Variants in DOCK10 observed in about 807,000 individuals in gnomAD.
The protein encoded by DOCK10 is dedicator of cytokinesis 10, also known as dedicator of cytokinesis protein 10.
DOCK10 carries 145 observed loss-of-function variants against 280.1 expected under a neutral mutation model. The ratio of observed to expected loss-of-function variants is 0.52; its 90% CI spans 0.45 to 0.59. The LOEUF is 0.59. DOCK10 is among the 20% of genes least tolerant of loss of function. The pLI is 0.00. For synonymous variants in DOCK10, 915 were observed against 942.2 expected (o/e 0.97, Z 0.53); for missense variants, 2,368 against 2,651.7 (o/e 0.89, Z 2.35).
rs759578606 is a variant in DOCK10, at chr2:224,793,008, A to G, written c.5277T>C (p.Asp1759=). 3.1e-6 allele frequency: 5 copies of G among 1,613,750 alleles called. No homozygotes were observed. Among genetic ancestry groups the G allele is most frequent in the Middle Eastern group, 1.6e-4 (1 of 6,082 alleles). The change falls in exon 47 of 56, where the codon GAT becomes GAC. Residue 1759 remains aspartate (D), a synonymous_variant. Transcript: ENST00000258390. ...TGGGAGTTGTTAGTAATGAGTTGCTATCACAGGGGTGGGTATCCTCCGAGA... is the reference window on the plus strand; with the variant it reads ...TGGGAGTTGTTAGTAATGAGTTGCTGTCACAGGGGTGGGTATCCTCCGAGA... ...SLLSEDTHPC[D]SNSLLTTPSG...
intron 1 of DOCK10, among the ~76,000 whole-genome samples, chr2:224,967,131 G>C (rs933477756): frequency 6.7e-6 from 1 of 150,308 alleles, no homozygotes; most frequent in Non-Finnish European, 1.5e-5. Flanking sequence ...CCAGGCTGGA[G>C]TGCAGTGGCG....
intron 22 of DOCK10, among the ~76,000 whole-genome samples, chr2:224,843,674 C>A (rs560082317): frequency 1.6e-4 from 25 of 151,996 alleles, no homozygotes; most frequent in Non-Finnish European, 3.4e-4. Context: ...AGCAGATACA[C>A]ATTAAACTTA....
At chr2:224,832,092 A>G (rs1477357133) in intron 26 of DOCK10, among the ~76,000 whole-genome samples, 1 of 152,186 alleles carries the variant, frequency 6.6e-6, no homozygotes, top group Non-Finnish European at 1.5e-5. Flanking sequence ...GTATAGTTTC[A>G]AGAACGCACC....
At position 224,837,851 on chromosome 2, in the gene DOCK10, C is replaced by A. The variant is rs185001385; in HGVS notation, c.2781-20G>T. ...AGAACCCTGCAAAAGCAAAGCTGTT[C>A]AGTGGCCTTTCTGGAGAGGGCAGAA... On this transcript the variant is annotated intron_variant, in intron 24 of 55. Coordinates refer to ENST00000258390, the MANE Select transcript of DOCK10 (RefSeq NM_014689.3). The A allele has an allele frequency of 6.2e-7, 1 of 1,609,950 alleles. No homozygotes were observed. The highest frequency in any genetic ancestry group is 1.3e-5 in the African/African-American group (1 of 74,912).
rs191676199 is a variant in DOCK10 at position 224,927,504 on chromosome 2, T to A, written c.243+4045A>T. Among the ~76,000 whole-genome samples the A allele has an allele frequency of 9.9e-5, 15 of 152,262 alleles. 1 individual carries two copies. In the East Asian group the frequency reaches 2.7e-3, roughly 27 times the overall value. On this transcript the variant is annotated intron_variant, in intron 2 of 55. Transcript: ENST00000258390. ...GGTATGGTCCAGGCAAATGAGGGTA[T>A]TTGTGGCTTGGGACAGCAGAGTGAA... is the stretch of plus-strand genomic sequence containing the variant.
At chr2:224,865,927 A>C (rs776015431) in intron 11 of DOCK10, among the ~76,000 whole-genome samples, 16 of 151,158 alleles carry the variant, frequency 1.1e-4, no homozygotes, top group Non-Finnish European at 2.2e-4. Flanking sequence ...TCTAACAGTC[A>C]CCTATTATAA....
intron 2 of DOCK10, 34 bp from the exon 3 acceptor site, chr2:224,916,818 C>T (rs768939908): frequency 1.3e-5 from 20 of 1,551,192 alleles, no homozygotes; most frequent in Admixed American, 3.6e-5. Context: ...TTGAGTCCTC[C>T]GGCTTAGAAG....
At chr2:224,961,417 T>TCTTTCTTTCTTTCTTTCTTTCTTC (rs1704397902) in intron 1 of DOCK10, among the ~76,000 whole-genome samples, 2 of 90,494 alleles carry the variant, frequency 2.2e-5, no homozygotes, top group African/African-American at 7.8e-5. Context: ...TCTTTCTCTT[T>TCTTTCTTTCTTTCTTTCTTTCTTC]CTTTCTTTCT....
At chr2:224,951,845 A>G (rs889260233) in intron 1 of DOCK10, among the ~76,000 whole-genome samples, 2 of 152,134 alleles carry the variant, frequency 1.3e-5, no homozygotes, top group Non-Finnish European at 2.9e-5. Flanking sequence ...CAGTTGTAGG[A>G]CTGAGGTGGC....
chr2:224,834,326 T>C (rs1695458807), intron 25 of DOCK10, 63 bp from the exon 26 acceptor site: 1 of 949,800 alleles, frequency 1.1e-6, no homozygotes, highest in African/African-American at 1.6e-5. Flanking sequence ...TCAAAAACTA[T>C]GTCATGTGAA....
Position 224,805,114 on chromosome 2 carries a change from A to C in DOCK10, c.4062T>G (p.Ile1354Met). Residue 1354 changes from isoleucine to methionine, a missense_variant, in exon 37 of 56, where the codon ATT becomes ATG. Ile to Met is a conservative substitution (Grantham distance 10). Coordinates refer to ENST00000258390, the MANE Select transcript of DOCK10 (RefSeq NM_014689.3). The surrounding 1 kb of genome is among the most constrained non-coding windows in gnomAD (Gnocchi z 4.3). Reference protein sequence around the residue: ...IMKTISYETLIAYWQRAPSPE... With the variant: ...IMKTISYETLMAYWQRAPSPE... ...GGCTGGGAGCTCTCTGCCAGTAGGC[A>C]ATCAGAGTCTCTAAAAGGAAACACC... The C allele has an allele frequency of 1.2e-6, 2 of 1,611,480 alleles. No individual in the cohort carries two copies. Among genetic ancestry groups the C allele is most frequent in the African/African-American group, 2.7e-5 (2 of 74,870 alleles).
Position 224,985,334 on chromosome 2 carries a change from A to C in DOCK10, c.124-53666T>G, listed in dbSNP as rs572758507. ...CTAAATTTTCCAAAGAAGTGTTGGA[A>C]GCTAGATTTCATCCTGGGTCATTAA... On this transcript the variant is annotated intron_variant, in intron 1 of 55. Transcript: ENST00000258390. Among the ~76,000 whole-genome samples, 179 of 151,934 alleles carry C rather than the reference A, an allele frequency of 1.2e-3. 1 individual carries two copies. The highest frequency in any genetic ancestry group is 2.1e-4 in the South Asian group (1 of 4,828).
In DOCK10 at chr2:225,035,603, T is replaced by C. The variant is rs10201954; in HGVS notation, c.123+6649A>G. On this transcript the variant is annotated intron_variant, in intron 1 of 55. Coordinates refer to ENST00000258390, the MANE Select transcript of DOCK10 (RefSeq NM_014689.3). ...ATATATATATAACACTGAATCAGTG[T>C]TAATTGTGTGTTGTATTAGTCAGTG... is the stretch of plus-strand genomic sequence containing the variant. Among the ~76,000 whole-genome samples, 439 of 106,928 alleles carry C rather than the reference T, an allele frequency of 4.1e-3. 12 individuals are homozygous for C. Among genetic ancestry groups the C allele is most frequent in the African/African-American group, 0.015 (414 of 28,174 alleles). The allele number at this position is 106,928 out of a possible 152,430, so 70.1% of individuals were successfully genotyped here.
chr2:224,931,413 T>C (rs1419911126), intron 2 of DOCK10, 136 bp downstream of exon 2: 2 of 977,134 alleles, frequency 2.0e-6, no homozygotes, highest in East Asian at 2.9e-5. Flanking sequence ...TATTATAGGA[T>C]GTGAACTCCT....
Position 224,852,847 on chromosome 2 carries a change from TA to T in DOCK10, c.2076+87del. ...TCTATGACAGAGTGTTGCCCCATAG[TA>T]ATTTGTATTTGCACATTCAGGAACT... On this transcript the variant is annotated intron_variant, in intron 17 of 55. Transcript: ENST00000258390. The T allele has an allele frequency of 2.6e-6, 3 of 1,156,664 alleles. No homozygotes were observed. In the East Asian group the frequency reaches 7.3e-5, roughly 28 times the overall value. 71.7% of individuals were successfully genotyped at this position (1,156,664 alleles called of 1,614,324 possible).
At chr2:224,780,356 T>G (rs187647025) in intron 50 of DOCK10, among the ~76,000 whole-genome samples, 7 of 152,264 alleles carry the variant, frequency 4.6e-5, no homozygotes, top group African/African-American at 1.7e-4. Flanking sequence ...TGGCTACAAT[T>G]GACAGACTGA....
chr2:224,839,369 AG>A (rs1428062401), intron 24 of DOCK10, among the ~76,000 whole-genome samples: 2 of 151,834 alleles, frequency 1.3e-5, no homozygotes, highest in Non-Finnish European at 2.9e-5. Flanking sequence ...GGCCTCCCAA[AG>A]TGCTGGGATG....
chr2:225,002,584 A>G (rs567252911), intron 1 of DOCK10, among the ~76,000 whole-genome samples: 1 of 152,328 alleles, frequency 6.6e-6, no homozygotes, highest in African/African-American at 2.4e-5. Context: ...ATATTTGGAG[A>G]CAGAAAATGT....
intron 2 of DOCK10, among the ~76,000 whole-genome samples, chr2:224,925,291 TCCC>T (rs1222423595): frequency 6.6e-6 from 1 of 152,190 alleles, no homozygotes; most frequent in Non-Finnish European, 1.5e-5. Context: ...AGTCTAGAAG[TCCC>T]CATATACCAT....
Sources: allele counts gnomAD v4.1 joint callset (sites outside exome capture counted in the v4.1 genomes callset), GRCh38; gene constraint gnomAD v4.1.1; non-coding constraint Gnocchi (gnomAD v3.1); transcripts MANE v1.5; gene names NCBI Gene and HGNC (gene_info 2026-07-23, HGNC 2026-07-21).